The following CFAP90 variants were observed in gnomAD, a reference collection of about 807,000 sequenced individuals.
CFAP90 encodes the protein cilia- and flagella-associated protein 90.
At chr5:7,844,255 A>T in the CFAP90 span, among the ~76,000 whole-genome samples, 1 of 152,252 alleles carries the variant, frequency 6.6e-6, no homozygotes, top group African/African-American at 2.4e-5. Context: ...AAGAAACTAT[A>T]GCCCACTGCC....
the CFAP90 span, among the ~76,000 whole-genome samples, chr5:7,845,524 CGGA>C: frequency 2.0e-5 from 3 of 152,288 alleles, no homozygotes; most frequent in South Asian, 4.1e-4. Context: ...TGAGGGAAAG[CGGA>C]TTCTAAAACC....
the CFAP90 span, among the ~76,000 whole-genome samples, chr5:7,838,367 A>G: frequency 2.0e-5 from 3 of 152,232 alleles, no homozygotes; most frequent in African/African-American, 4.8e-5. Flanking sequence ...AGAAATCTCG[A>G]TATCTTTAAT....
chr5:7,840,524 A>G, the CFAP90 span, among the ~76,000 whole-genome samples: 2 of 152,248 alleles, frequency 1.3e-5, no homozygotes, highest in Non-Finnish European at 1.5e-5. Context: ...TGCACAAAGT[A>G]CAGTAGCAGA....
the CFAP90 span, among the ~76,000 whole-genome samples, chr5:7,845,973 G>A: frequency 1.7e-5 from 2 of 119,712 alleles, no homozygotes; most frequent in Non-Finnish European, 3.7e-5. Flanking sequence ...GACAGCAAAC[G>A]AGGGTCAGGG....
the CFAP90 span, among the ~76,000 whole-genome samples, chr5:7,849,632 T>C: frequency 6.6e-6 from 1 of 152,226 alleles, no homozygotes; most frequent in Non-Finnish European, 1.5e-5. Flanking sequence ...TTGAATTTAC[T>C]ACTTTTCCTG....
the CFAP90 span, among the ~76,000 whole-genome samples, chr5:7,833,997 G>T: frequency 6.6e-6 from 1 of 152,060 alleles, no homozygotes; most frequent in Non-Finnish European, 1.5e-5. Flanking sequence ...AATAATAAAT[G>T]ACTATGTTAC....
chr5:7,851,038 GC>G, the CFAP90 span: 1 of 1,239,686 alleles, frequency 8.1e-7, no homozygotes, highest in Non-Finnish European at 1.0e-6. Flanking sequence ...ACCGTCCAGC[GC>G]CCCCGCCTTG....
chr5:7,835,103 T>G, the CFAP90 span, among the ~76,000 whole-genome samples: 1 of 152,206 alleles, frequency 6.6e-6, no homozygotes, highest in Non-Finnish European at 1.5e-5. Flanking sequence ...CTATAGTATA[T>G]TGAGTGTGCA....
At chr5:7,834,620 A>T in the CFAP90 span, among the ~76,000 whole-genome samples, 1 of 152,164 alleles carries the variant, frequency 6.6e-6, no homozygotes. Context: ...CAGTCCTGCA[A>T]GCTTCATTCA....
the CFAP90 span, chr5:7,850,785 TGCCCAGCCGCCCAGCCGCCCAGCC>T: frequency 0.18 from 190,533 of 1,065,990 alleles, 19,927 homozygotes; most frequent in Middle Eastern, 0.19. Context: ...CGCCCGCCCC[TGCCCAGCCGCCCAGCCGCCCAGCC>T]GCCCAGCCGC....
At chr5:7,832,751 G>T in the CFAP90 span, among the ~76,000 whole-genome samples, 3,163 of 152,222 alleles carry the variant, frequency 0.021, 113 homozygotes, top group African/African-American at 0.071. Flanking sequence ...GCCTCCCAAA[G>T]TGCTGGGATT....
the CFAP90 span, chr5:7,830,904 C>T: frequency 3.9e-5 from 6 of 152,254 alleles, no homozygotes; most frequent in East Asian, 7.7e-4. Context: ...AGGTTACAAG[C>T]GACTGCTTCC....
the CFAP90 span, among the ~76,000 whole-genome samples, chr5:7,833,237 T>C: frequency 2.6e-5 from 4 of 152,146 alleles, no homozygotes; most frequent in South Asian, 2.1e-4. Context: ...GAAAATTACA[T>C]AGAGCAGCTG....
At chr5:7,843,648 C>T in the CFAP90 span, among the ~76,000 whole-genome samples, 1 of 152,134 alleles carries the variant, frequency 6.6e-6, no homozygotes, top group African/African-American at 2.4e-5. Context: ...CCTACTCACC[C>T]CTCACCCCCA....
the CFAP90 span, among the ~76,000 whole-genome samples, chr5:7,840,733 T>G: frequency 6.6e-6 from 1 of 152,102 alleles, no homozygotes; most frequent in Admixed American, 6.6e-5. Context: ...GTGACCTTAT[T>G]TGGAATAAGG....
At chr5:7,841,765 G>C in the CFAP90 span, among the ~76,000 whole-genome samples, 1 of 152,052 alleles carries the variant, frequency 6.6e-6, no homozygotes, top group African/African-American at 2.4e-5. Context: ...TACAAGTGAG[G>C]GCTAAATGAT....
chr5:7,832,422 A>G, the CFAP90 span, among the ~76,000 whole-genome samples: 2 of 150,052 alleles, frequency 1.3e-5, no homozygotes, highest in Non-Finnish European at 3.0e-5. Context: ...CATCCCTCTC[A>G]CTTTCCCCAT....
At chr5:7,848,374 G>A in the CFAP90 span, among the ~76,000 whole-genome samples, 944 of 152,202 alleles carry the variant, frequency 6.2e-3, 5 homozygotes, top group Non-Finnish European at 9.9e-3. Flanking sequence ...GCAGAGAGGA[G>A]CTATCAGATA....
the CFAP90 span, among the ~76,000 whole-genome samples, chr5:7,835,067 C>A: frequency 2.0e-5 from 3 of 152,170 alleles, no homozygotes; most frequent in Non-Finnish European, 4.4e-5. Flanking sequence ...TGTTCCAGTG[C>A]ATATACAAGT....
Sources: gnomAD v4.1 joint callset for allele counts (sites outside exome capture counted in the v4.1 genomes callset) on GRCh38, gnomAD v4.1.1 for gene constraint, MANE v1.5 for transcripts, NCBI Gene and HGNC (gene_info 2026-07-23, HGNC 2026-07-21) for gene names.